The following LRP1B variants were observed in gnomAD, a reference collection of about 807,000 sequenced individuals.
LRP1B encodes the protein LDL receptor related protein 1B, also known as low-density lipoprotein receptor-related protein 1B.
LRP1B carries 217 observed loss-of-function variants against 556.6 expected under a neutral mutation model. The observed-to-expected ratio is 0.39, with a 90% CI of 0.35 to 0.44. The LOEUF (loss-of-function observed/expected upper bound fraction) is 0.44, where lower values mean the gene tolerates loss of function less well. Ranked by LOEUF, LRP1B falls within the 20% of genes least tolerant of loss-of-function variation. LRP1B has a pLI of 1.00. For missense variants in LRP1B, 5,053 were observed against 5,620.8 expected (o/e 0.90, Z 3.23); for synonymous variants, 2,047 against 1,865.8 (o/e 1.10, Z -2.50).
chr2:141,197,700 G>A (rs753794458), intron 6 of LRP1B, among the ~76,000 whole-genome samples: 4 of 152,112 alleles, frequency 2.6e-5, no homozygotes, highest in Non-Finnish European at 4.4e-5. Context: ...GGAACATACT[G>A]CAGTTTCCAG....
intron 2 of LRP1B, among the ~76,000 whole-genome samples, chr2:141,702,483 A>G (rs1691975282): frequency 6.6e-6 from 1 of 151,798 alleles, no homozygotes; most frequent in African/African-American, 2.4e-5. Context: ...CATTTTATAA[A>G]ACACTCTGTA....
Position 141,574,241 on chromosome 2 carries a change from C to A in LRP1B, c.206-93708G>T, listed in dbSNP as rs566736806. Among the ~76,000 whole-genome samples the A allele has an allele frequency of 4.6e-4, 70 of 152,238 alleles. 2 individuals are homozygous for A. The South Asian group carries it at 7.7e-3, about 17-fold the overall frequency. ...TCCAGGAGCACATCAAAAAACTTAT[C>A]CACCACGATCAAATCAGCTTCATCC... On this transcript the variant is annotated intron_variant, in intron 2 of 90. Transcript: ENST00000389484.
chr2:140,443,517 G>A (rs941836895), intron 65 of LRP1B, among the ~76,000 whole-genome samples: 1 of 152,166 alleles, frequency 6.6e-6, no homozygotes, highest in African/African-American at 2.4e-5. Flanking sequence ...ATTGCTGGAT[G>A]ACTGCACATT....
intron 2 of LRP1B, among the ~76,000 whole-genome samples, chr2:141,601,372 T>C (rs1482038403): frequency 6.6e-6 from 1 of 152,200 alleles, no homozygotes; most frequent in Non-Finnish European, 1.5e-5. Context: ...ATCTTGTTGA[T>C]GTGCAATTAT....
chr2:141,408,507 G>A (rs554682302), intron 3 of LRP1B, among the ~76,000 whole-genome samples: 2 of 152,094 alleles, frequency 1.3e-5, no homozygotes, highest in East Asian at 3.9e-4. Context: ...TTCTTGAGAA[G>A]TAGTCAGAAA....
At position 141,793,518 on chromosome 2, in the gene LRP1B, T is replaced by A. The variant is rs188709929; in HGVS notation, c.205+16761A>T. On this transcript the variant is annotated intron_variant, in intron 2 of 90. Coordinates refer to ENST00000389484, the MANE Select transcript of LRP1B (RefSeq NM_018557.3). ...TTTAAAAAAGAAGGGTAATAGATTA[T>A]AATTTAAAAATCACTCAAAGTTATC... Among the ~76,000 whole-genome samples the A allele has an allele frequency of 2.8e-3, 423 of 152,082 alleles. 3 individuals are homozygous for A. The highest frequency in any genetic ancestry group is 9.4e-3 in the African/African-American group (392 of 41,550).
intron 2 of LRP1B, among the ~76,000 whole-genome samples, chr2:141,519,142 G>A (rs1684434864): frequency 6.6e-6 from 1 of 151,816 alleles, no homozygotes; most frequent in African/African-American, 2.4e-5. Flanking sequence ...AGGAAACGGT[G>A]CTGTCAAGAC....
chr2:140,600,903 C>T (rs1682639919), intron 42 of LRP1B, among the ~76,000 whole-genome samples: 1 of 149,366 alleles, frequency 6.7e-6, no homozygotes, highest in Admixed American at 6.7e-5. Context: ...GAAATTTTTA[C>T]AAGCATTATT....
chr2:141,044,411 T>C (rs966659918), intron 11 of LRP1B, among the ~76,000 whole-genome samples: 14 of 151,168 alleles, frequency 9.3e-5, no homozygotes, highest in African/African-American at 3.4e-4. Flanking sequence ...AAAGACAAAA[T>C]TGACAAAAGG....
At chr2:141,566,251 A>G (rs1686328054) in intron 2 of LRP1B, among the ~76,000 whole-genome samples, 1 of 152,154 alleles carries the variant, frequency 6.6e-6, no homozygotes, top group South Asian at 2.1e-4. Context: ...CTGGGAAATT[A>G]AAACTCTGCC....
At chr2:140,455,752 A>T (rs557681734) in intron 62 of LRP1B, among the ~76,000 whole-genome samples, 15 of 152,334 alleles carry the variant, frequency 9.8e-5, no homozygotes, top group African/African-American at 3.6e-4. Flanking sequence ...CTAGAAAATC[A>T]GCAAACTCAA....
intron 47 of LRP1B, among the ~76,000 whole-genome samples, chr2:140,532,963 G>A (rs1222285542): frequency 4.4e-5 from 2 of 45,818 alleles, no homozygotes; most frequent in South Asian, 1.0e-3. Flanking sequence ...TATATATCTC[G>A]ATCTGTTTAC....
At chr2:141,180,971 G>C (rs1680964337) in intron 7 of LRP1B, among the ~76,000 whole-genome samples, 1 of 151,924 alleles carries the variant, frequency 6.6e-6, no homozygotes, top group Non-Finnish European at 1.5e-5. Context: ...TGGTGGTAAT[G>C]GATGTTGTTA....
chr2:142,108,742 A>T (rs1559075012), intron 1 of LRP1B, among the ~76,000 whole-genome samples: 1 of 152,182 alleles, frequency 6.6e-6, no homozygotes, highest in Non-Finnish European at 1.5e-5. Flanking sequence ...TTATTTTTCA[A>T]GCGTGCTCTT....
chr2:141,028,314 ATATAAG>A (rs1257130539), intron 11 of LRP1B, among the ~76,000 whole-genome samples: 2 of 151,724 alleles, frequency 1.3e-5, no homozygotes, highest in Non-Finnish European at 2.9e-5. Flanking sequence ...TAACTTATTC[ATATAAG>A]TATATAGTAT....
rs1300919440 is a variant in LRP1B, at chr2:141,139,179, ACAC to A, written c.1013+49239_1013+49241del. Among the ~76,000 whole-genome samples the A allele has an allele frequency of 6.6e-5, 10 of 151,882 alleles. No individual in the cohort carries two copies. The East Asian group carries it at 9.6e-4, about 15-fold the overall frequency. On this transcript the variant is annotated intron_variant, in intron 7 of 90. Transcript: ENST00000389484. ...TTCTTAGATTCATGCCTTATACCAT[ACAC>A]AACAATTAACTCGATATGAATCCTC...
At chr2:141,111,889 T>C (rs902660736) in intron 7 of LRP1B, among the ~76,000 whole-genome samples, 2 of 151,308 alleles carry the variant, frequency 1.3e-5, no homozygotes, top group Non-Finnish European at 2.9e-5. Flanking sequence ...ACCAAAAATA[T>C]AAAAAAATTA....
intron 80 of LRP1B, among the ~76,000 whole-genome samples, chr2:140,324,551 TATTC>T (rs766113819): frequency 2.0e-5 from 3 of 152,104 alleles, no homozygotes; most frequent in African/African-American, 4.8e-5. Flanking sequence ...ACATTACTAT[TATTC>T]ATTTCAGAAG....
At chr2:141,490,845 T>C (rs971893791) in intron 2 of LRP1B, among the ~76,000 whole-genome samples, 1 of 151,984 alleles carries the variant, frequency 6.6e-6, no homozygotes, top group East Asian at 1.9e-4. Flanking sequence ...AATTGCTGGA[T>C]TACCCTCACA....
Sources: allele counts gnomAD v4.1 joint callset (sites outside exome capture counted in the v4.1 genomes callset), GRCh38; gene constraint gnomAD v4.1.1; transcripts MANE v1.5; gene names NCBI Gene and HGNC (gene_info 2026-07-23, HGNC 2026-07-21).